The following RORA variants were observed in gnomAD, a reference collection of about 807,000 sequenced individuals.
RORA encodes the protein nuclear receptor ROR-alpha.
In RORA, 7 loss-of-function variants were observed where a neutral mutation model predicts 69.5. The ratio of observed to expected loss-of-function variants is 0.10; its 90% CI spans 0.06 to 0.19. The LOEUF (loss-of-function observed/expected upper bound fraction) is 0.19, where lower values mean the gene tolerates loss of function less well. RORA is among the 10% of genes least tolerant of loss of function. The pLI, the probability that RORA is intolerant of heterozygous loss-of-function variation, is 1.00. For missense variants in RORA, 457 were observed against 663.0 expected (o/e 0.69, Z 3.41); for synonymous variants, 261 against 240.8 (o/e 1.08, Z -0.78).
chr15:61,145,909 C>T (rs1344102578), intron 1 of RORA, among the ~76,000 whole-genome samples: 3 of 151,990 alleles, frequency 2.0e-5, no homozygotes, highest in African/African-American at 7.3e-5. Context: ...AGAAAGAGAC[C>T]CACAAAATTT....
In RORA at chr15:60,534,204, A is replaced by C. The variant is rs1047430527; in HGVS notation, c.197-2353T>G. Among the ~76,000 whole-genome samples, 1 of 152,194 alleles carries C rather than the reference A, an allele frequency of 6.6e-6. No homozygotes were observed. Among genetic ancestry groups the C allele is most frequent in the Non-Finnish European group, 1.5e-5 (1 of 68,026 alleles). On this transcript the variant is annotated intron_variant, in intron 2 of 10. Coordinates refer to ENST00000335670, the MANE Select transcript of RORA (RefSeq NM_134261.3). The surrounding 1 kb of genome is among the most constrained non-coding windows in gnomAD (Gnocchi z 5.0). ...GCCTGCCTGGCACGGAGGTCTGCTC[A>C]TGATGGGGGTGGCCTTGGGAGTACT...
intron 1 of RORA, among the ~76,000 whole-genome samples, chr15:60,881,751 T>A (rs1288515114): frequency 1.3e-5 from 2 of 152,142 alleles, no homozygotes; most frequent in Non-Finnish European, 2.9e-5. Context: ...AAGAAGGAAA[T>A]AACACCTCAA....
intron 1 of RORA, among the ~76,000 whole-genome samples, chr15:60,794,094 C>G (rs2072456181): frequency 6.6e-6 from 1 of 152,182 alleles, no homozygotes; most frequent in Admixed American, 6.5e-5. Context: ...TCAACTGTTT[C>G]TTTTCTTCCC....
At chr15:61,003,905 G>A (rs543394813) in intron 1 of RORA, among the ~76,000 whole-genome samples, 1 of 152,078 alleles carries the variant, frequency 6.6e-6, no homozygotes, top group Non-Finnish European at 1.5e-5. Flanking sequence ...AGTAGGGAAA[G>A]GAATAAGCCT....
At chr15:60,934,419 A>G (rs1251724609) in intron 1 of RORA, among the ~76,000 whole-genome samples, 1 of 151,966 alleles carries the variant, frequency 6.6e-6, no homozygotes, top group Admixed American at 6.6e-5. Flanking sequence ...TTGCTGGGCC[A>G]TAACTCCAGA....
At chr15:60,806,141 C>T (rs1750176536) in intron 1 of RORA, among the ~76,000 whole-genome samples, 2 of 152,108 alleles carry the variant, frequency 1.3e-5, no homozygotes, top group Non-Finnish European at 2.9e-5. Flanking sequence ...AAAGTCAGAT[C>T]TGTCAGGAGG....
At chr15:60,695,495 C>T (rs971022693) in intron 1 of RORA, among the ~76,000 whole-genome samples, 1 of 151,742 alleles carries the variant, frequency 6.6e-6, no homozygotes, top group African/African-American at 2.4e-5. Flanking sequence ...GATCCTGTTA[C>T]AGGATCTAAA....
At chr15:60,714,408 C>T (rs2071192477) in intron 1 of RORA, among the ~76,000 whole-genome samples, 1 of 149,880 alleles carries the variant, frequency 6.7e-6, no homozygotes, top group South Asian at 2.1e-4. Flanking sequence ...CTCTGTCCCC[C>T]AGGCTAGAGT....
intron 1 of RORA, among the ~76,000 whole-genome samples, chr15:60,707,553 T>C (rs937146874): frequency 6.6e-6 from 1 of 151,744 alleles, no homozygotes; most frequent in Non-Finnish European, 1.5e-5. Context: ...TTAGTAGAGA[T>C]GGGGTTTCAC....
intron 1 of RORA, among the ~76,000 whole-genome samples, chr15:61,200,704 G>A (rs567450576): frequency 2.6e-5 from 4 of 152,284 alleles, no homozygotes; most frequent in East Asian, 1.9e-4. Context: ...GGAGACGGCC[G>A]TGATTTGCAT....
At chr15:61,205,664 A>G (rs2079935021) in intron 1 of RORA, among the ~76,000 whole-genome samples, 1 of 152,212 alleles carries the variant, frequency 6.6e-6, no homozygotes, top group Non-Finnish European at 1.5e-5. Flanking sequence ...GCACAGGAAC[A>G]GCCAGAGGGC....
intron 1 of RORA, among the ~76,000 whole-genome samples, chr15:60,735,461 T>C (rs2071484402): frequency 6.6e-6 from 1 of 152,116 alleles, no homozygotes; most frequent in African/African-American, 2.4e-5. Context: ...CCATCGTAAC[T>C]GCCTAATTTG....
intron 1 of RORA, among the ~76,000 whole-genome samples, chr15:61,138,969 C>A (rs771792528): frequency 2.0e-5 from 3 of 152,010 alleles, no homozygotes; most frequent in Non-Finnish European, 4.4e-5. Context: ...CAGGGTGAAA[C>A]CCCGTCTCTA....
chr15:61,087,519 A>G (rs950895753), intron 1 of RORA, among the ~76,000 whole-genome samples: 8 of 152,246 alleles, frequency 5.3e-5, no homozygotes, highest in African/African-American at 1.9e-4. Flanking sequence ...AAATTTATAC[A>G]TACCCATATC....
chr15:61,190,111 C>A (rs987289128), intron 1 of RORA, among the ~76,000 whole-genome samples: 1 of 151,924 alleles, frequency 6.6e-6, no homozygotes, highest in African/African-American at 2.4e-5. Flanking sequence ...ACTCCAAAAG[C>A]CTGGTGAGGC....
chr15:61,152,734 C>T (rs2140875434), intron 1 of RORA, among the ~76,000 whole-genome samples: 2 of 152,252 alleles, frequency 1.3e-5, no homozygotes, highest in Middle Eastern at 6.8e-3. Flanking sequence ...TCCATCCATC[C>T]ACAGACTCAA....
intron 2 of RORA, among the ~76,000 whole-genome samples, chr15:60,585,255 C>A (rs2140497687): frequency 6.6e-6 from 1 of 152,242 alleles, no homozygotes. Flanking sequence ...GTTATAACAC[C>A]AAAATCCAAA....
chr15:61,127,982 G>T (rs1475902404), intron 1 of RORA, among the ~76,000 whole-genome samples: 1 of 152,090 alleles, frequency 6.6e-6, no homozygotes, highest in Non-Finnish European at 1.5e-5. Context: ...TATAGGACAG[G>T]TGCTAATTAA....
At chr15:60,736,370 C>T (rs1208815526) in intron 1 of RORA, among the ~76,000 whole-genome samples, 1 of 152,088 alleles carries the variant, frequency 6.6e-6, no homozygotes, top group Non-Finnish European at 1.5e-5. Context: ...CTCCCTCTTC[C>T]AACTAGCAAT....
Sources: allele counts gnomAD v4.1 joint callset (sites outside exome capture counted in the v4.1 genomes callset), GRCh38; gene constraint gnomAD v4.1.1; non-coding constraint Gnocchi (gnomAD v3.1); transcripts MANE v1.5; gene names NCBI Gene and HGNC (gene_info 2026-07-23, HGNC 2026-07-21).